GPC6: variants seen among roughly 807,000 people sequenced by gnomAD.
The protein encoded by GPC6 is glypican 6.
Under a neutral mutation model 55.2 loss-of-function variants are expected in GPC6, and 14 were observed. The ratio of observed to expected loss-of-function variants is 0.25; its 90% CI spans 0.17 to 0.40. The LOEUF (loss-of-function observed/expected upper bound fraction) is 0.40. Among genes scored for constraint, GPC6 ranks in the 10% least tolerant of loss-of-function variants. The probability of loss-of-function intolerance (pLI) is 1.00; values close to 1 mark genes in which losing one functional copy is unlikely to be tolerated. For synonymous variants in GPC6, 278 were observed against 259.6 expected, an observed-to-expected ratio of 1.07 and a Z score of -0.68; for missense variants, 641 against 708.5, an observed-to-expected ratio of 0.90 and a Z score of 1.08.
chr13:93,631,219 A>G (rs1879415451), intron 2 of GPC6, among the ~76,000 whole-genome samples: 1 of 152,144 alleles, frequency 6.6e-6, no homozygotes, highest in African/African-American at 2.4e-5. Flanking sequence ...TGTGCTTTCC[A>G]CCTTGTGGAT....
intron 1 of GPC6, among the ~76,000 whole-genome samples, chr13:93,377,845 T>C (rs1874984956): frequency 6.6e-6 from 1 of 152,228 alleles, no homozygotes; most frequent in East Asian, 1.9e-4. Context: ...AACTGAAGTC[T>C]ATTCTTCAAA....
At chr13:93,764,135 T>A (rs1483611642) in intron 2 of GPC6, among the ~76,000 whole-genome samples, 1 of 152,136 alleles carries the variant, frequency 6.6e-6, no homozygotes, top group Non-Finnish European at 1.5e-5. Context: ...AGTCCTAAGC[T>A]TCTAAGCCTC....
rs1156722779 is a variant in GPC6, at chr13:94,286,598, C to G, written c.1008+119C>G. On this transcript the variant is annotated intron_variant, in intron 5 of 8. Coordinates refer to ENST00000377047, the MANE Select transcript of GPC6 (RefSeq NM_005708.5). ...TAAATTCTAATATGCTGTCAGCGAGCTTTTCCTGTTGAGCCACAAATTTGC... is the reference window on the plus strand; with the variant it reads ...TAAATTCTAATATGCTGTCAGCGAGGTTTTCCTGTTGAGCCACAAATTTGC... 3 of 891,858 alleles carry G rather than the reference C, an allele frequency of 3.4e-6. No individual in the cohort carries two copies. In the African/African-American group the frequency reaches 5.1e-5, roughly 15 times the overall value. 55.2% of individuals were successfully genotyped at this position (891,858 alleles called of 1,614,324 possible).
At chr13:93,402,259 A>G (rs536815008) in intron 1 of GPC6, among the ~76,000 whole-genome samples, 6 of 152,292 alleles carry the variant, frequency 3.9e-5, no homozygotes, top group African/African-American at 9.6e-5. Context: ...GAGATAATAC[A>G]TCAGTTACTG....
At chr13:94,341,308 G>A (rs1042779055) in intron 6 of GPC6, among the ~76,000 whole-genome samples, 5 of 152,102 alleles carry the variant, frequency 3.3e-5, no homozygotes, top group South Asian at 2.1e-4. Flanking sequence ...CTATAGGCTG[G>A]GTGCAGTAGG....
At chr13:93,310,766 T>C (rs566467084) in intron 1 of GPC6, among the ~76,000 whole-genome samples, 88 of 152,188 alleles carry the variant, frequency 5.8e-4, no homozygotes, top group Non-Finnish European at 1.2e-3. Context: ...TTAGGAGCAT[T>C]GTGCGCTGTT....
chr13:93,598,914 A>G (rs1419878446), intron 2 of GPC6, among the ~76,000 whole-genome samples: 2 of 152,198 alleles, frequency 1.3e-5, no homozygotes, highest in African/African-American at 2.4e-5. Context: ...TTTCTCACCA[A>G]TGAAGAATAA....
chr13:94,194,399 G>T (rs1470438717), intron 4 of GPC6, among the ~76,000 whole-genome samples: 1 of 152,140 alleles, frequency 6.6e-6, no homozygotes, highest in Non-Finnish European at 1.5e-5. Flanking sequence ...ATGTGTGTAT[G>T]TCTGTGTGTT....
chr13:93,378,010 A>G (rs1874994307), intron 1 of GPC6, among the ~76,000 whole-genome samples: 1 of 152,200 alleles, frequency 6.6e-6, no homozygotes, highest in African/African-American at 2.4e-5. Flanking sequence ...TTTAAGCCCA[A>G]TATTTCTTTT....
At chr13:93,938,234 G>A (rs1878541309) in intron 3 of GPC6, among the ~76,000 whole-genome samples, 1 of 152,088 alleles carries the variant, frequency 6.6e-6, no homozygotes, top group African/African-American at 2.4e-5. Flanking sequence ...CTAATTTGAT[G>A]CTGAATTCAC....
At chr13:93,685,854 T>C (rs796945694) in intron 2 of GPC6, among the ~76,000 whole-genome samples, 3 of 152,308 alleles carry the variant, frequency 2.0e-5, no homozygotes, top group Admixed American at 6.5e-5. Context: ...GTAGGAAAGA[T>C]TGAAGAGTAT....
At chr13:93,703,925 T>C (rs976962528) in intron 2 of GPC6, among the ~76,000 whole-genome samples, 1 of 152,012 alleles carries the variant, frequency 6.6e-6, no homozygotes, top group Admixed American at 6.6e-5. Flanking sequence ...TACCTTGGCA[T>C]GAGAGCTGGC....
intron 3 of GPC6, among the ~76,000 whole-genome samples, chr13:94,021,508 A>C (rs1882694113): frequency 6.6e-6 from 1 of 152,032 alleles, no homozygotes; most frequent in Admixed American, 6.6e-5. Context: ...TTGCTAAAAC[A>C]TTTTGACATA....
At chr13:94,181,885 G>A in intron 4 of GPC6, among the ~76,000 whole-genome samples, 1 of 152,238 alleles carries the variant, frequency 6.6e-6, no homozygotes, top group Non-Finnish European at 1.5e-5. Flanking sequence ...CATTAGTCCT[G>A]GTTAATCTTT....
At position 94,238,729 on chromosome 13, in the gene GPC6, G is replaced by A. The variant is rs544354377; in HGVS notation, c.878-47620G>A. 1.1e-3 allele frequency among the ~76,000 whole-genome samples: 167 copies of A among 152,272 alleles called. 1 individual carries two copies. The Middle Eastern group carries it at 0.017, about 16-fold the overall frequency. ...AAGATATAAGCGAGGGTCTCCCACA[G>A]TTTGGGGCTGACACATGGCAGTGAG... On this transcript the variant is annotated intron_variant, in intron 4 of 8. Transcript: ENST00000377047.
At chr13:94,059,208 G>A (rs541991116) in intron 4 of GPC6, among the ~76,000 whole-genome samples, 1 of 151,072 alleles carries the variant, frequency 6.6e-6, no homozygotes, top group Non-Finnish European at 1.5e-5. Context: ...ATCCAGGAAA[G>A]CATTTTTCTT....
intron 1 of GPC6, among the ~76,000 whole-genome samples, chr13:93,415,162 T>C (rs938139326): frequency 3.9e-5 from 6 of 152,232 alleles, no homozygotes; most frequent in African/African-American, 9.6e-5. Context: ...ATTTCTCTCA[T>C]GTGTACAGTG....
intron 1 of GPC6, among the ~76,000 whole-genome samples, chr13:93,500,470 C>T (rs1447092797): frequency 1.3e-5 from 2 of 152,064 alleles, no homozygotes; most frequent in Non-Finnish European, 2.9e-5. Flanking sequence ...TTCATTTGTG[C>T]TTCTATGAAG....
chr13:93,589,879 G>A lies in GPC6; in HGVS notation c.319+44458G>A, dbSNP rs191766553. On this transcript the variant is annotated intron_variant, in intron 2 of 8. Coordinates refer to ENST00000377047, the MANE Select transcript of GPC6 (RefSeq NM_005708.5). ...GTAAGTTAGCCTGAGCATTTAAGGG[G>A]ATAAAACACTTATGCCTTAAGGACT... 9.6e-4 allele frequency among the ~76,000 whole-genome samples: 146 copies of A among 152,268 alleles called. 4 individuals are homozygous for A. The highest frequency in any genetic ancestry group is 2.1e-3 in the Admixed American group (32 of 15,298).
Sources: allele counts gnomAD v4.1 joint callset (sites outside exome capture counted in the v4.1 genomes callset), GRCh38; gene constraint gnomAD v4.1.1; transcripts MANE v1.5; gene names NCBI Gene and HGNC (gene_info 2026-07-23, HGNC 2026-07-21).